NBEA: variants seen among roughly 807,000 people sequenced by gnomAD.
NBEA encodes the protein neurobeachin.
A neutral mutation model predicts 343.4 loss-of-function variants in NBEA; 44 were observed. The observed-to-expected ratio is 0.13, with a 90% CI of 0.10 to 0.16. The LOEUF is 0.16. Ranked by LOEUF, NBEA falls within the 10% of genes least tolerant of loss-of-function variation. The probability of loss-of-function intolerance (pLI) is 1.00; values close to 1 mark genes in which losing one functional copy is unlikely to be tolerated. For missense variants in NBEA, 2,555 were observed against 3,631.3 expected (o/e 0.70, Z 7.62); for synonymous variants, 1,175 against 1,238.7 (o/e 0.95, Z 1.08).
chr13:35,404,058 C>T (rs1242465575), intron 38 of NBEA, among the ~76,000 whole-genome samples: 1 of 152,194 alleles, frequency 6.6e-6, no homozygotes, highest in East Asian at 1.9e-4. Context: ...GAGATACCAT[C>T]TCACACCAGT....
At chr13:35,074,572 A>G (rs994395900) in intron 10 of NBEA, among the ~76,000 whole-genome samples, 2 of 152,156 alleles carry the variant, frequency 1.3e-5, no homozygotes, top group African/African-American at 4.8e-5. Context: ...TTGGGCTCAA[A>G]TCCCTGTCCT....
intron 36 of NBEA, among the ~76,000 whole-genome samples, chr13:35,335,520 C>G (rs1461293418): frequency 6.6e-6 from 1 of 152,016 alleles, no homozygotes; most frequent in Non-Finnish European, 1.5e-5. Context: ...TGATTTGTTT[C>G]ATCGATGTAT....
intron 8 of NBEA, among the ~76,000 whole-genome samples, chr13:35,060,598 T>G (rs2063431685): frequency 6.6e-6 from 1 of 151,824 alleles, no homozygotes; most frequent in Non-Finnish European, 1.5e-5. Context: ...GCACCCCTTG[T>G]TGTTAGCTTG....
chr13:35,056,690 G>A (rs2063276912), intron 7 of NBEA, among the ~76,000 whole-genome samples: 1 of 152,074 alleles, frequency 6.6e-6, no homozygotes, highest in Admixed American at 6.6e-5. Flanking sequence ...AAGGCAATTT[G>A]TCTGGAGCAG....
intron 27 of NBEA, among the ~76,000 whole-genome samples, chr13:35,175,033 A>ACT (rs778927354): frequency 3.1e-4 from 47 of 151,614 alleles, no homozygotes; most frequent in Non-Finnish European, 3.4e-4. Context: ...CCTCATGATC[A>ACT]CTCACCTTGG....
intron 8 of NBEA, among the ~76,000 whole-genome samples, chr13:35,064,756 G>C (rs1236217919): frequency 6.6e-6 from 1 of 151,594 alleles, no homozygotes; most frequent in African/African-American, 2.4e-5. Context: ...GAGGAAATTA[G>C]GACACAGCCA....
chr13:34,965,908 T>TA lies in NBEA; in HGVS notation c.294+22795dup, dbSNP rs2059806397. 2.0e-5 allele frequency among the ~76,000 whole-genome samples: 3 copies of TA among 152,100 alleles called. No individual in the cohort carries two copies. The South Asian group carries it at 6.2e-4, about 31-fold the overall frequency. The stretch of plus-strand genomic sequence containing the variant: ...GAATGTAATAAAATGATAATGTAGT[T>TA]ACAAGTTTTTGTAAGGTATGTTGCT... On this transcript the variant is annotated intron_variant, in intron 1 of 58. Transcript: ENST00000379939.
chr13:35,340,561 A>T (rs1364144788), intron 36 of NBEA, among the ~76,000 whole-genome samples: 2 of 152,104 alleles, frequency 1.3e-5, no homozygotes, highest in Non-Finnish European at 2.9e-5. Flanking sequence ...TAGTAGCAAA[A>T]CAATGAAAAT....
chr13:35,619,551 A>G (rs1027043863), intron 48 of NBEA, among the ~76,000 whole-genome samples: 3 of 152,160 alleles, frequency 2.0e-5, no homozygotes, highest in African/African-American at 7.2e-5. Context: ...AACCCAAAAC[A>G]AAGGGCCTTG....
chr13:35,421,993 C>T (rs1437284523), intron 38 of NBEA, among the ~76,000 whole-genome samples: 1 of 151,766 alleles, frequency 6.6e-6, no homozygotes, highest in Non-Finnish European at 1.5e-5. Context: ...CATGGACTTC[C>T]ATGGATTTAT....
intron 1 of NBEA, among the ~76,000 whole-genome samples, chr13:35,019,508 AG>A (rs758026087): frequency 1.2e-4 from 18 of 152,010 alleles, no homozygotes; most frequent in Non-Finnish European, 2.5e-4. Context: ...CATGTTGGCC[AG>A]GCTGGTCTCG....
chr13:35,209,420 T>TC (rs1047353990), intron 32 of NBEA, among the ~76,000 whole-genome samples: 2 of 152,154 alleles, frequency 1.3e-5, no homozygotes, highest in African/African-American at 4.8e-5. Flanking sequence ...TTGATCCAAT[T>TC]CATTGCCCAA....
intron 41 of NBEA, among the ~76,000 whole-genome samples, chr13:35,549,119 G>A (rs748861284): frequency 2.6e-4 from 40 of 152,232 alleles, no homozygotes; most frequent in Middle Eastern, 3.4e-3. Flanking sequence ...GCTCCAAAAT[G>A]TTTCAGATTT....
At chr13:35,496,744 T>C (rs1450610050) in intron 41 of NBEA, among the ~76,000 whole-genome samples, 1 of 151,898 alleles carries the variant, frequency 6.6e-6, no homozygotes, top group East Asian at 1.9e-4. Context: ...ATATGTCTTT[T>C]CTCAAAAAGT....
chr13:35,260,867 G>A (rs2033147766), intron 34 of NBEA, among the ~76,000 whole-genome samples: 1 of 152,164 alleles, frequency 6.6e-6, no homozygotes, highest in South Asian at 2.1e-4. Context: ...TGGCACATTA[G>A]TAGTAGAGTT....
At chr13:35,596,698 A>G (rs1225765651) in intron 47 of NBEA, among the ~76,000 whole-genome samples, 4 of 152,168 alleles carry the variant, frequency 2.6e-5, no homozygotes, top group Admixed American at 2.6e-4. Flanking sequence ...TGAAGTTCTT[A>G]CACTAATTTT....
At chr13:35,316,652 T>C (rs1167557558) in intron 36 of NBEA, among the ~76,000 whole-genome samples, 1 of 152,168 alleles carries the variant, frequency 6.6e-6, no homozygotes, top group African/African-American at 2.4e-5. Flanking sequence ...TCAAATGGTA[T>C]TTCTGGTTCT....
chr13:35,298,511 T>C (rs1409426054), intron 35 of NBEA, among the ~76,000 whole-genome samples: 1 of 151,840 alleles, frequency 6.6e-6, no homozygotes, highest in Non-Finnish European at 1.5e-5. Context: ...AATCTTAAAC[T>C]ACACATTTGA....
chr13:35,663,185 A>G (rs544364241), intron 55 of NBEA, among the ~76,000 whole-genome samples: 4 of 152,268 alleles, frequency 2.6e-5, no homozygotes, highest in East Asian at 1.9e-4. Context: ...TAGTCACCCT[A>G]TTTTGCTACC....
Sources: allele counts gnomAD v4.1 joint callset (sites outside exome capture counted in the v4.1 genomes callset), GRCh38; gene constraint gnomAD v4.1.1; transcripts MANE v1.5; gene names NCBI Gene and HGNC (gene_info 2026-07-23, HGNC 2026-07-21).